The following ZNF385D variants were observed in gnomAD, a reference collection of about 807,000 sequenced individuals.
ZNF385D encodes zinc finger protein 385D.
ZNF385D carries 15 observed loss-of-function variants against 35.8 expected under a neutral mutation model. That is an observed-to-expected ratio of 0.42 (90% CI 0.28 to 0.64). The LOEUF (loss-of-function observed/expected upper bound fraction) is 0.64, where lower values mean the gene tolerates loss of function less well. Among genes scored for constraint, ZNF385D ranks in the 30% least tolerant of loss-of-function variants. The pLI is 0.23. For missense variants in ZNF385D, 474 were observed against 494.6 expected (o/e 0.96, Z 0.39); for synonymous variants, 212 against 186.8 (o/e 1.13, Z -1.10).
rs555871979 is a variant in ZNF385D at position 22,273,094 on chromosome 3, G to C, written c.106+99356C>G. Among the ~76,000 whole-genome samples, 6 of 151,694 alleles carry C rather than the reference G, an allele frequency of 4.0e-5. No individual in the cohort carries two copies. In the East Asian group the frequency reaches 1.2e-3, roughly 30 times the overall value. On this transcript the variant is annotated intron_variant, in intron 2 of 5. Transcript: ENST00000494108. ...AAAGAGAGAAAAAAAAGAGAAAATAGGCAAAACAAGGAAAAGAATCATTTT... is the reference window on the plus strand; with the variant it reads ...AAAGAGAGAAAAAAAAGAGAAAATACGCAAAACAAGGAAAAGAATCATTTT...
chr3:21,930,147 T>C (rs1700928490), intron 3 of ZNF385D, among the ~76,000 whole-genome samples: 1 of 152,034 alleles, frequency 6.6e-6, no homozygotes, highest in Non-Finnish European at 1.5e-5. Context: ...CCATACTTTA[T>C]GACAATTAGT....
At chr3:22,185,364 T>C (rs1361943037) in intron 2 of ZNF385D, among the ~76,000 whole-genome samples, 2 of 152,354 alleles carry the variant, frequency 1.3e-5, no homozygotes, top group Non-Finnish European at 2.9e-5. Flanking sequence ...GCAGGCTTAA[T>C]GCAAGCTAAA....
chr3:21,847,725 A>G (rs1048885946), intron 3 of ZNF385D, among the ~76,000 whole-genome samples: 1 of 152,036 alleles, frequency 6.6e-6, no homozygotes, highest in Non-Finnish European at 1.5e-5. Context: ...CACCATAGTC[A>G]TGATACAGAA....
chr3:22,037,762 T>C (rs1025766726), intron 3 of ZNF385D, among the ~76,000 whole-genome samples: 1 of 152,126 alleles, frequency 6.6e-6, no homozygotes. Context: ...CTTTTGGTGT[T>C]TTAGACATGA....
intron 3 of ZNF385D, among the ~76,000 whole-genome samples, chr3:22,026,582 C>T (rs941068890): frequency 6.6e-6 from 1 of 152,110 alleles, no homozygotes. Flanking sequence ...AGTGGGTCCT[C>T]GGACTCATCC....
intron 3 of ZNF385D, among the ~76,000 whole-genome samples, chr3:22,062,040 A>G (rs1699713876): frequency 6.6e-6 from 1 of 152,110 alleles, no homozygotes; most frequent in African/African-American, 2.4e-5. Context: ...GTTGCATTTA[A>G]TTTTAATTTA....
intron 2 of ZNF385D, among the ~76,000 whole-genome samples, chr3:22,214,797 C>T (rs1210329596): frequency 6.6e-6 from 1 of 152,064 alleles, no homozygotes; most frequent in Non-Finnish European, 1.5e-5. Context: ...ATGCCCAAAA[C>T]TTCATTAGCA....
At chr3:21,917,528 A>G (rs1366484047) in intron 3 of ZNF385D, among the ~76,000 whole-genome samples, 1 of 152,202 alleles carries the variant, frequency 6.6e-6, no homozygotes, top group African/African-American at 2.4e-5. Context: ...ATTAGAATAG[A>G]GACCTACTGG....
chr3:21,903,433 T>C (rs939497777), intron 3 of ZNF385D, among the ~76,000 whole-genome samples: 1 of 152,168 alleles, frequency 6.6e-6, no homozygotes, highest in Non-Finnish European at 1.5e-5. Context: ...TTTTAAAAGA[T>C]CTTCGGAGTC....
intron 4 of ZNF385D, among the ~76,000 whole-genome samples, chr3:21,509,775 G>T (rs1421008547): frequency 6.6e-6 from 1 of 152,150 alleles, no homozygotes; most frequent in African/African-American, 2.4e-5. Context: ...GCAGCATGAT[G>T]CATCTACAAT....
chr3:22,224,959 C>T (rs2125286639), intron 2 of ZNF385D, among the ~76,000 whole-genome samples: 1 of 152,254 alleles, frequency 6.6e-6, no homozygotes, highest in African/African-American at 2.4e-5. Flanking sequence ...AACATATAAT[C>T]AGAACATCTG....
In ZNF385D at chr3:21,817,748, A is replaced by T. The variant is rs1030439405; in HGVS notation, c.326-152720T>A. On this transcript the variant is annotated intron_variant, in intron 3 of 5. Transcript: ENST00000494108. Reference sequence around the variant, plus strand: ...GGTGGGACTGTAAACTAGTTCAACCATGTGGAAGGCAGTGTGGTGATTCCT... The same window carrying T: ...GGTGGGACTGTAAACTAGTTCAACCTTGTGGAAGGCAGTGTGGTGATTCCT... Among the ~76,000 whole-genome samples the T allele has an allele frequency of 2.8e-4, 43 of 152,338 alleles. 2 individuals are homozygous for T. The highest frequency in any genetic ancestry group is 9.6e-4 in the African/African-American group (40 of 41,582).
intron 3 of ZNF385D, among the ~76,000 whole-genome samples, chr3:21,809,874 T>TA (rs1185341069): frequency 6.6e-6 from 1 of 151,904 alleles, no homozygotes; most frequent in East Asian, 1.9e-4. Flanking sequence ...GAGGTATAAC[T>TA]AAAAAAGAAA....
chr3:22,161,534 T>TC (rs760235429), intron 3 of ZNF385D, among the ~76,000 whole-genome samples: 28 of 152,026 alleles, frequency 1.8e-4, no homozygotes, highest in Non-Finnish European at 3.8e-4. Flanking sequence ...AGAGGGTGAA[T>TC]CATGAGATCT....
chr3:21,679,172 T>C (rs2066821176), intron 1 of ZNF385D, among the ~76,000 whole-genome samples: 1 of 152,092 alleles, frequency 6.6e-6, no homozygotes, highest in Admixed American at 6.6e-5. Context: ...GTTCTCCTTC[T>C]ATAAAATAAG....
At chr3:22,289,825 C>A (rs1702206404) in intron 2 of ZNF385D, among the ~76,000 whole-genome samples, 1 of 151,986 alleles carries the variant, frequency 6.6e-6, no homozygotes, top group Non-Finnish European at 1.5e-5. Context: ...CTGGGATAAG[C>A]TAGGGGAAAG....
intron 3 of ZNF385D, among the ~76,000 whole-genome samples, chr3:21,987,414 T>C (rs946892458): frequency 8.5e-5 from 10 of 118,116 alleles, no homozygotes; most frequent in South Asian, 2.9e-4. Flanking sequence ...ATTTTATTTC[T>C]CCTTCACTTA....
intron 1 of ZNF385D, among the ~76,000 whole-genome samples, chr3:21,740,596 G>A (rs189496220): frequency 3.5e-4 from 54 of 152,240 alleles, no homozygotes; most frequent in Non-Finnish European, 6.3e-4. Context: ...CCAGGGATGG[G>A]CAGCACAGGC....
chr3:21,958,509 G>C (rs1382167345), intron 3 of ZNF385D, among the ~76,000 whole-genome samples: 1 of 152,038 alleles, frequency 6.6e-6, no homozygotes, highest in Non-Finnish European at 1.5e-5. Context: ...TTAATGAATA[G>C]GGGCTCTTAT....
Sources: allele counts gnomAD v4.1 joint callset (sites outside exome capture counted in the v4.1 genomes callset), GRCh38; gene constraint gnomAD v4.1.1; transcripts MANE v1.5; gene names NCBI Gene and HGNC (gene_info 2026-07-23, HGNC 2026-07-21).